The following NLGN1 variants were observed in gnomAD, a reference collection of about 807,000 sequenced individuals.
The protein encoded by NLGN1 is neuroligin 1.
A neutral mutation model predicts 65.5 loss-of-function variants in NLGN1; 12 were observed. That is an observed-to-expected ratio of 0.18 (90% CI 0.12 to 0.30). The LOEUF (loss-of-function observed/expected upper bound fraction) is 0.30, where lower values mean the gene tolerates loss of function less well. NLGN1 is among the 10% of genes least tolerant of loss of function. The pLI is 1.00. For missense variants in NLGN1, 750 were observed against 1,007.1 expected (o/e 0.74, Z 3.46); for synonymous variants, 350 against 359.5 (o/e 0.97, Z 0.30).
chr3:174,190,945 C>G (rs1217157985), intron 4 of NLGN1, among the ~76,000 whole-genome samples: 1 of 152,000 alleles, frequency 6.6e-6, no homozygotes, highest in African/African-American at 2.4e-5. Context: ...GGGCCGAGAT[C>G]TCTTATAGCT....
At chr3:174,143,434 C>T (rs953174716) in intron 4 of NLGN1, among the ~76,000 whole-genome samples, 11 of 152,114 alleles carry the variant, frequency 7.2e-5, no homozygotes, top group Non-Finnish European at 2.9e-5. Context: ...ATTATCACCT[C>T]GACAAAGGGC....
chr3:174,280,697 T>A lies in NLGN1; in HGVS notation c.1866T>A (p.Tyr622Ter). 6.2e-7 allele frequency: 1 copy of A among 1,613,332 alleles called. No homozygotes were observed. Among genetic ancestry groups the A allele is most frequent in the Non-Finnish European group, 8.5e-7 (1 of 1,179,554 alleles). The change falls in exon 7 of 7, where the codon TAT becomes TAA. Residue 622 changes from tyrosine (Y) to a stop codon, truncating the protein, a stop_gained. Transcript: ENST00000457714. LOFTEE classifies it high-confidence loss of function. The surrounding 1 kb of genome is among the most constrained non-coding windows in gnomAD (Gnocchi z 4.9). ...ATAATCTCAATGACATTTCTCAGTATACCTCTACAACAACTAAAGTGCCAT... is the reference window on the plus strand; with the variant it reads ...ATAATCTCAATGACATTTCTCAGTAAACCTCTACAACAACTAAAGTGCCAT...
chr3:173,632,279 G>A (rs1755810124), intron 3 of NLGN1, among the ~76,000 whole-genome samples: 1 of 152,124 alleles, frequency 6.6e-6, no homozygotes, highest in Non-Finnish European at 1.5e-5. Context: ...AGATATTTTT[G>A]TTGTGACATG....
intron 1 of NLGN1, chr3:173,399,463 T>C (rs945292753): frequency 2.0e-5 from 3 of 152,218 alleles, no homozygotes; most frequent in African/African-American, 7.2e-5. Context: ...TTTGTGAAAT[T>C]TTCCACTTAC....
chr3:174,283,458 AG>A (rs1751774449), exon 7 of NLGN1: 1 of 151,510 alleles, frequency 6.6e-6, no homozygotes, highest in Non-Finnish European at 1.5e-5. Context: ...CTAGTCATCA[AG>A]GAAAAGGTCT....
At chr3:174,204,510 T>C (rs1438892776) in intron 4 of NLGN1, among the ~76,000 whole-genome samples, 4 of 152,142 alleles carry the variant, frequency 2.6e-5, no homozygotes, top group African/African-American at 9.7e-5. Flanking sequence ...CTCAGTAGAG[T>C]GTGTCAGATT....
intron 3 of NLGN1, among the ~76,000 whole-genome samples, chr3:173,774,406 C>G (rs963992428): frequency 1.3e-5 from 2 of 152,100 alleles, no homozygotes; most frequent in Non-Finnish European, 2.9e-5. Context: ...TTTTGGATAC[C>G]CAGTCATCCT....
intron 4 of NLGN1, among the ~76,000 whole-genome samples, chr3:174,031,224 G>A (rs1476226534): frequency 6.6e-6 from 1 of 152,096 alleles, no homozygotes; most frequent in African/African-American, 2.4e-5. Flanking sequence ...ACTGCCAGAG[G>A]CTTATCCCAG....
chr3:173,462,839 C>G (rs191073552), intron 2 of NLGN1, among the ~76,000 whole-genome samples: 1 of 152,110 alleles, frequency 6.6e-6, no homozygotes, highest in South Asian at 2.1e-4. Context: ...CTTGACAGTA[C>G]CAAACAAATT....
intron 3 of NLGN1, among the ~76,000 whole-genome samples, chr3:173,663,866 T>TG (rs1316706328): frequency 6.6e-6 from 1 of 151,924 alleles, no homozygotes; most frequent in Non-Finnish European, 1.5e-5. Context: ...CTACTTTTTT[T>TG]TTTTTTTCCA....
At chr3:173,829,378 A>G (rs1251567922) in intron 4 of NLGN1, among the ~76,000 whole-genome samples, 1 of 152,128 alleles carries the variant, frequency 6.6e-6, no homozygotes, top group Admixed American at 6.6e-5. Context: ...AATATGCATG[A>G]CTTTCAGATT....
At chr3:173,513,794 G>A (rs1376715352) in intron 2 of NLGN1, among the ~76,000 whole-genome samples, 1 of 152,148 alleles carries the variant, frequency 6.6e-6, no homozygotes, top group Non-Finnish European at 1.5e-5. Flanking sequence ...GGGAGGCCGA[G>A]GCGGGCGGAT....
intron 4 of NLGN1, among the ~76,000 whole-genome samples, chr3:173,909,686 A>C (rs1004257550): frequency 6.6e-6 from 1 of 151,930 alleles, no homozygotes; most frequent in Non-Finnish European, 1.5e-5. Context: ...TCATTTACTT[A>C]TGTATTTTTT....
intron 2 of NLGN1, among the ~76,000 whole-genome samples, chr3:173,503,272 C>T (rs372116505): frequency 7.2e-5 from 11 of 152,094 alleles, no homozygotes; most frequent in African/African-American, 1.4e-4. Context: ...TGAAACAAAC[C>T]TTCTAGCAAA....
intron 3 of NLGN1, among the ~76,000 whole-genome samples, chr3:173,806,715 G>A (rs993376797): frequency 9.9e-5 from 15 of 152,010 alleles, no homozygotes; most frequent in African/African-American, 3.6e-4. Context: ...TTTTCATACT[G>A]ATTAAAATTA....
chr3:174,022,592 A>C (rs1180438031), intron 4 of NLGN1, among the ~76,000 whole-genome samples: 1 of 152,214 alleles, frequency 6.6e-6, no homozygotes, highest in East Asian at 1.9e-4. Flanking sequence ...GCCAACAGGC[A>C]TATGAAAAAG....
chr3:173,494,549 C>G (rs1729704211), intron 2 of NLGN1, among the ~76,000 whole-genome samples: 1 of 151,586 alleles, frequency 6.6e-6, no homozygotes, highest in Non-Finnish European at 1.5e-5. Context: ...TTGATGAAGT[C>G]TAATATATCA....
At chr3:173,481,759 C>A (rs1428774738) in intron 2 of NLGN1, among the ~76,000 whole-genome samples, 1 of 151,672 alleles carries the variant, frequency 6.6e-6, no homozygotes, top group East Asian at 1.9e-4. Context: ...AAAAAACAAA[C>A]AAATTGCTCT....
intron 3 of NLGN1, among the ~76,000 whole-genome samples, chr3:173,763,575 T>G (rs1179382043): frequency 6.6e-6 from 1 of 152,116 alleles, no homozygotes; most frequent in African/African-American, 2.4e-5. Flanking sequence ...AACTTTGTTT[T>G]GATACACAAA....
Sources: gnomAD v4.1 joint callset for allele counts (sites outside exome capture counted in the v4.1 genomes callset) on GRCh38, gnomAD v4.1.1 for gene constraint, Gnocchi (gnomAD v3.1) non-coding constraint, MANE v1.5 for transcripts, NCBI Gene and HGNC (gene_info 2026-07-23, HGNC 2026-07-21) for gene names.